ADAR: variants seen among roughly 807,000 people sequenced by gnomAD.
The protein encoded by ADAR is adenosine deaminase RNA specific.
Under a neutral mutation model 113.2 loss-of-function variants are expected in ADAR, and 41 were observed. The observed-to-expected ratio is 0.36, with a 90% confidence interval of 0.28 to 0.47. The LOEUF is 0.47. Ranked by LOEUF, ADAR falls within the 20% of genes least tolerant of loss-of-function variation. ADAR has a pLI of 1.00. For synonymous variants in ADAR, 605 were observed against 572.6 expected (o/e 1.06, Z -0.81); for missense variants, 1,242 against 1,540.9 (o/e 0.81, Z 3.25).
In ADAR at chr1:154,601,705, A is replaced by G; in HGVS notation, c.937T>C (p.Ser313Pro). 6.2e-7 allele frequency: 1 copy of G among 1,614,202 alleles called. No homozygotes were observed. The highest frequency in any genetic ancestry group is 8.5e-7 in the Non-Finnish European group (1 of 1,180,026). Residue 313 changes from serine (S) to proline (P), a missense_variant, in exon 2 of 15, where the codon TCC (serine) becomes CCC (proline). By Grantham distance (74) the Ser-to-Pro change is moderately conservative. Around this residue, in one of 2 missense-constraint regions of ADAR, gnomAD observed 462 missense variants for 483.1 expected, o/e 0.96. Transcript: ENST00000368474. The surrounding 1 kb of genome is among the most constrained non-coding windows in gnomAD (Gnocchi z 4.7). Reference sequence around the variant, plus strand: ...TTTTTAGCCAAATTCAGGGCAGAGGAGTCAGACACATTGAAGAGATAGTCG... The same window carrying G: ...TTTTTAGCCAAATTCAGGGCAGAGGGGTCAGACACATTGAAGAGATAGTCG... ...ICDYLFNVSD[S>P]SALNLAKNIG...
chr1:154,622,119 T>G (rs972457494), intron 1 of ADAR, among the ~76,000 whole-genome samples: 12 of 152,066 alleles, frequency 7.9e-5, no homozygotes, highest in Non-Finnish European at 1.6e-4. Flanking sequence ...TTGAGCAGCC[T>G]ATGTCCTGAA....
upstream of ADAR, among the ~76,000 whole-genome samples, chr1:154,610,912 C>T (rs1698468830): frequency 6.6e-6 from 1 of 150,450 alleles, no homozygotes. Context: ...CTTTTGGGTA[C>T]CGGTGATGTT....
intron 1 of ADAR, among the ~76,000 whole-genome samples, chr1:154,604,711 AC>A (rs1220532314): frequency 2.0e-5 from 3 of 152,030 alleles, no homozygotes; most frequent in Non-Finnish European, 4.4e-5. Context: ...TTTAATAGCT[AC>A]TGTATTAACG....
chr1:154,618,314 C>T (rs193164150), intron 1 of ADAR, among the ~76,000 whole-genome samples: 3 of 151,924 alleles, frequency 2.0e-5, no homozygotes, highest in African/African-American at 7.3e-5. Context: ...GAAGGACATA[C>T]CAGTCTCAAA....
rs1410356789 is a variant in ADAR at position 154,589,858 on chromosome 1, G to T, written c.2567C>A (p.Thr856Asn). Residue 856 changes from threonine to asparagine, a missense_variant, in exon 8 of 15, where the codon ACT becomes AAT. Around this residue, in one of 2 missense-constraint regions of ADAR, gnomAD observed 780 missense variants for 1,057.9 expected, o/e 0.74. Transcript: ENST00000368474. Reference sequence around the variant, plus strand: ...GAGCAAGGAGGGCTGGAAGCTGTTAGTCAGAGTGTTGAAGCACCGGTGGCT... The same window carrying T: ...GAGCAAGGAGGGCTGGAAGCTGTTATTCAGAGTGTTGAAGCACCGGTGGCT... Reference protein sequence around the residue: ...MLSHRCFNTLTNSFQPSLLGR... With the variant: ...MLSHRCFNTLNNSFQPSLLGR... The T allele has an allele frequency of 1.2e-6, 2 of 1,613,974 alleles. No individual in the cohort carries two copies. The highest frequency in any genetic ancestry group is 1.7e-6 in the Non-Finnish European group (2 of 1,180,034).
At chr1:154,612,372 G>C (rs1482845367), upstream of ADAR, among the ~76,000 whole-genome samples, 1 of 121,188 alleles carries the variant, frequency 8.3e-6, no homozygotes, top group Admixed American at 1.2e-4. Flanking sequence ...CTGTCACCCA[G>C]GCTGGAGTGC....
chr1:154,626,123 T>TTG (rs201570855), intron 1 of ADAR, among the ~76,000 whole-genome samples: 27 of 21,784 alleles, frequency 1.2e-3, no homozygotes, highest in East Asian at 0.011. Flanking sequence ...ATAAAGTGAG[T>TTG]TTTTTTTTTT....
intron 1 of ADAR, among the ~76,000 whole-genome samples, chr1:154,626,853 T>G (rs1301158405): frequency 1.3e-5 from 2 of 152,196 alleles, no homozygotes; most frequent in Non-Finnish European, 2.9e-5. Flanking sequence ...ACTAACTGTT[T>G]GTAAATAACG....
Position 154,588,106 on chromosome 1 carries a change from G to C in ADAR, c.3019+19C>G. 1.2e-6 allele frequency: 2 copies of C among 1,612,942 alleles called. No individual in the cohort carries two copies. The highest frequency in any genetic ancestry group is 1.7e-6 in the Non-Finnish European group (2 of 1,179,856). On this transcript the variant is annotated intron_variant, in intron 11 of 14. Coordinates refer to ENST00000368474, the MANE Select transcript of ADAR (RefSeq NM_001111.5). ...GCAGAGCCTTTTGAGGAAAGGAGGC[G>C]GGGGCATGTATCACTCACCGTTCTC...
intron 6 of ADAR, among the ~76,000 whole-genome samples, chr1:154,591,714 C>T (rs1427113351): frequency 2.0e-5 from 3 of 152,228 alleles, no homozygotes; most frequent in Admixed American, 6.5e-5. Context: ...ATAACAGAGG[C>T]TTCAGTTTCA....
At chr1:154,587,855 T>C (rs1696867746) in intron 11 of ADAR, among the ~76,000 whole-genome samples, 1 of 152,190 alleles carries the variant, frequency 6.6e-6, no homozygotes, top group Admixed American at 6.5e-5. Flanking sequence ...CATATTTCTA[T>C]TTCCAGCCAA....
chr1:154,606,878 T>A (rs1293463372), intron 1 of ADAR, among the ~76,000 whole-genome samples: 1 of 151,828 alleles, frequency 6.6e-6, no homozygotes, highest in Non-Finnish European at 1.5e-5. Context: ...CACTGACACC[T>A]GTGCAGAAAT....
At position 154,582,859 on chromosome 1, in the gene ADAR, G is replaced by A. The variant is rs1407715275; in HGVS notation, c.*1947C>T. On this transcript the variant is annotated 3_prime_UTR_variant, in exon 15 of 15. Transcript: ENST00000368474. ...ATTTACTGTGCCCCCAGCAGACCCAGAGCCAGGGAGCAGGCCTCTTCCACT... is the reference window on the plus strand; with the variant it reads ...ATTTACTGTGCCCCCAGCAGACCCAAAGCCAGGGAGCAGGCCTCTTCCACT... 6.6e-6 allele frequency: 1 copy of A among 152,300 alleles called. No homozygotes were observed. The highest frequency in any genetic ancestry group is 2.1e-4 in the South Asian group (1 of 4,830). The allele number at this position is 152,300 out of a possible 1,614,324, so 9.4% of individuals were successfully genotyped here. A position where few individuals can be genotyped will look rare whatever the true frequency, so the allele number is the denominator to read the frequency against.
At chr1:154,588,819 G>C (rs1278130935) in intron 9 of ADAR, 146 bp from the exon 10 acceptor site, 3 of 1,167,462 alleles carry the variant, frequency 2.6e-6, no homozygotes, top group African/African-American at 1.5e-5. Context: ...TTCTCCAGGG[G>C]AGACCTCAGC....
intron 12 of ADAR, 21 bp downstream of exon 12, chr1:154,586,160 A>T (rs1285958309): frequency 6.2e-7 from 1 of 1,613,852 alleles, no homozygotes; most frequent in Admixed American, 1.7e-5. Context: ...CCAGTTCCAG[A>T]TCCCAAGGCA....
chr1:154,618,330 T>C (rs1698690472), intron 1 of ADAR, among the ~76,000 whole-genome samples: 1 of 152,238 alleles, frequency 6.6e-6, no homozygotes, highest in Non-Finnish European at 1.5e-5. Flanking sequence ...TCAAATGTGA[T>C]GGCAGAATAC....
intron 10 of ADAR, 22 bp downstream of exon 10, chr1:154,588,529 C>T: frequency 6.2e-7 from 1 of 1,613,090 alleles, no homozygotes; most frequent in East Asian, 2.2e-5. Flanking sequence ...CCCACCCTGG[C>T]AGCAACAGGA....
intron 1 of ADAR, among the ~76,000 whole-genome samples, chr1:154,624,730 T>C (rs538280559): frequency 6.6e-5 from 10 of 152,256 alleles, no homozygotes; most frequent in Non-Finnish European, 1.0e-4. Flanking sequence ...CAAGCAGTTG[T>C]ACCCATTAAG....
chr1:154,599,232 G>A (rs1262942620), intron 2 of ADAR, among the ~76,000 whole-genome samples: 4 of 152,182 alleles, frequency 2.6e-5, no homozygotes, highest in Admixed American at 2.0e-4. Flanking sequence ...CTTAGCCTAG[G>A]CCCCCTTTGT....
Sources: allele counts gnomAD v4.1 joint callset (sites outside exome capture counted in the v4.1 genomes callset), GRCh38; gene constraint gnomAD v4.1.1; regional missense constraint gnomAD v4.1.1; non-coding constraint Gnocchi (gnomAD v3.1); transcripts MANE v1.5; gene names NCBI Gene and HGNC (gene_info 2026-07-23, HGNC 2026-07-21).